TTC28: variants seen among roughly 807,000 people sequenced by gnomAD.
TTC28 encodes tetratricopeptide repeat protein 28.
A neutral mutation model predicts 198.0 loss-of-function variants in TTC28; 61 were observed. The ratio of observed to expected loss-of-function variants is 0.31; its 90% confidence interval spans 0.25 to 0.38. The LOEUF is 0.38. Ranked by LOEUF, TTC28 falls within the 10% of genes least tolerant of loss-of-function variation. The pLI, the probability that TTC28 is intolerant of heterozygous loss-of-function variation, is 1.00. For missense variants in TTC28, 2,678 were observed against 3,164.0 expected (o/e 0.85, Z 3.69); for synonymous variants, 1,171 against 1,297.8 (o/e 0.90, Z 2.10).
intron 2 of TTC28, among the ~76,000 whole-genome samples, chr22:28,475,869 G>A (rs765691649): frequency 5.3e-5 from 8 of 152,096 alleles, no homozygotes; most frequent in Admixed American, 1.3e-4. Flanking sequence ...ATCCACTCTC[G>A]TAAAATACAG....
In TTC28 at chr22:28,207,551, T is replaced by C. The variant is rs1161982040; in HGVS notation, c.934-43952A>G. On this transcript the variant is annotated intron_variant, in intron 5 of 22. Coordinates refer to ENST00000397906, the MANE Select transcript of TTC28 (RefSeq NM_001145418.2). ...AATGAGGCCAACAATATCTGACTCT[T>C]ACAGTTTCTTAACTATGTAAACCCA... Among the ~76,000 whole-genome samples, 7 of 152,154 alleles carry C rather than the reference T, an allele frequency of 4.6e-5. No homozygotes were observed. The East Asian group carries it at 7.7e-4, about 17-fold the overall frequency.
intron 12 of TTC28, among the ~76,000 whole-genome samples, chr22:28,047,779 A>G (rs1465103671): frequency 6.6e-6 from 1 of 152,200 alleles, no homozygotes; most frequent in East Asian, 1.9e-4. Flanking sequence ...GCTGCTGCAT[A>G]TGACCATATT....
At chr22:28,044,803 T>C (rs1167904286) in intron 12 of TTC28, among the ~76,000 whole-genome samples, 1 of 152,230 alleles carries the variant, frequency 6.6e-6, no homozygotes, top group Non-Finnish European at 1.5e-5. Flanking sequence ...CACATCCTTT[T>C]TATCTCATGG....
At chr22:28,632,325 T>C (rs1307978848) in intron 1 of TTC28, among the ~76,000 whole-genome samples, 2 of 126,752 alleles carry the variant, frequency 1.6e-5, no homozygotes, top group African/African-American at 5.8e-5. Flanking sequence ...TGGAGTGCAA[T>C]GGCATGATCT....
At chr22:28,644,944 G>A (rs2051433103) in intron 1 of TTC28, among the ~76,000 whole-genome samples, 1 of 151,952 alleles carries the variant, frequency 6.6e-6, no homozygotes, top group Non-Finnish European at 1.5e-5. Context: ...AGGAGATCAA[G>A]ACCATCCTGG....
chr22:28,157,552 T>C (rs780688583), intron 6 of TTC28, among the ~76,000 whole-genome samples: 1 of 152,210 alleles, frequency 6.6e-6, no homozygotes, highest in South Asian at 2.1e-4. Flanking sequence ...GCAAACCAAA[T>C]TCAACAATAT....
chr22:28,528,314 G>A lies in TTC28; in HGVS notation c.381+101238C>T, dbSNP rs183360927. ...CCACAAAGGATAAGGGGTGGTAAAT[G>A]AAACAATACTGTTGCAAAGTTCTTA... On this transcript the variant is annotated intron_variant, in intron 2 of 22. Transcript: ENST00000397906. Among the ~76,000 whole-genome samples the A allele has an allele frequency of 2.6e-5, 4 of 152,234 alleles. No homozygotes were observed. The East Asian group carries it at 5.8e-4, about 22-fold the overall frequency.
At chr22:28,270,880 A>G (rs754907280) in intron 5 of TTC28, among the ~76,000 whole-genome samples, 1 of 152,150 alleles carries the variant, frequency 6.6e-6, no homozygotes, top group Non-Finnish European at 1.5e-5. Flanking sequence ...AAAAACAAAC[A>G]AACAAAACAA....
intron 6 of TTC28, among the ~76,000 whole-genome samples, chr22:28,138,758 C>T (rs888541778): frequency 5.9e-5 from 9 of 152,174 alleles, no homozygotes; most frequent in African/African-American, 1.9e-4. Flanking sequence ...TCCTTTATCC[C>T]TAGGCAGCGT....
chr22:28,584,755 T>G (rs760908362), intron 2 of TTC28, among the ~76,000 whole-genome samples: 5 of 152,222 alleles, frequency 3.3e-5, no homozygotes, highest in Non-Finnish European at 7.3e-5. Context: ...GGAGAGTTAC[T>G]AAAAAGTTGG....
intron 5 of TTC28, among the ~76,000 whole-genome samples, chr22:28,237,665 A>G (rs1929350053): frequency 6.6e-6 from 1 of 152,208 alleles, no homozygotes; most frequent in Admixed American, 6.5e-5. Flanking sequence ...ACATGAAAAA[A>G]TGAGGGATAT....
At chr22:28,145,354 G>A (rs1943445184) in intron 6 of TTC28, among the ~76,000 whole-genome samples, 2 of 152,140 alleles carry the variant, frequency 1.3e-5, no homozygotes, top group Admixed American at 6.5e-5. Flanking sequence ...ACGTTAGGCT[G>A]CTTGAATGTC....
chr22:28,375,180 G>T (rs1286195395), intron 2 of TTC28, among the ~76,000 whole-genome samples: 1 of 152,068 alleles, frequency 6.6e-6, no homozygotes, highest in Admixed American at 6.6e-5. Flanking sequence ...GTTGGAGTTA[G>T]GGTCATTTCA....
At chr22:28,102,279 T>C (rs1453894995) in intron 8 of TTC28, among the ~76,000 whole-genome samples, 1 of 152,246 alleles carries the variant, frequency 6.6e-6, no homozygotes, top group Non-Finnish European at 1.5e-5. Flanking sequence ...ATGTCTAATC[T>C]ATTTTCCTTT....
intron 2 of TTC28, among the ~76,000 whole-genome samples, chr22:28,601,683 A>G (rs2050640545): frequency 6.6e-6 from 1 of 151,902 alleles, no homozygotes; most frequent in Non-Finnish European, 1.5e-5. Flanking sequence ...TGACTATACT[A>G]AGATTATAGA....
chr22:28,486,751 T>G (rs1209207276), intron 2 of TTC28, among the ~76,000 whole-genome samples: 1 of 152,192 alleles, frequency 6.6e-6, no homozygotes. Context: ...GTTAAATGTC[T>G]CTGCCCCACA....
intron 2 of TTC28, among the ~76,000 whole-genome samples, chr22:28,496,242 T>C (rs902782931): frequency 2.0e-5 from 3 of 152,120 alleles, no homozygotes; most frequent in African/African-American, 7.2e-5. Context: ...TTTATATGAA[T>C]CTATAAATGC....
intron 5 of TTC28, among the ~76,000 whole-genome samples, chr22:28,191,368 C>A (rs1016909263): frequency 9.2e-5 from 14 of 152,232 alleles, no homozygotes; most frequent in African/African-American, 3.4e-4. Context: ...GTGAGCAACA[C>A]AGAAGACGGG....
chr22:28,598,852 C>T (rs886245795), intron 2 of TTC28, among the ~76,000 whole-genome samples: 12 of 152,140 alleles, frequency 7.9e-5, no homozygotes, highest in South Asian at 4.1e-4. Flanking sequence ...TTATTCCCAT[C>T]GCATTAAGGA....
Sources: allele counts gnomAD v4.1 joint callset (sites outside exome capture counted in the v4.1 genomes callset), GRCh38; gene constraint gnomAD v4.1.1; transcripts MANE v1.5; gene names NCBI Gene and HGNC (gene_info 2026-07-23, HGNC 2026-07-21).